SHISA9: variants seen among roughly 807,000 people sequenced by gnomAD.
The protein encoded by SHISA9 is shisa family member 9.
In SHISA9, 13 loss-of-function variants were observed where a neutral mutation model predicts 38.0. That is an observed-to-expected ratio of 0.34 (90% CI 0.22 to 0.54). The LOEUF (loss-of-function observed/expected upper bound fraction) is 0.54. Among genes scored for constraint, SHISA9 ranks in the 20% least tolerant of loss-of-function variants. The pLI is 0.91. For missense variants in SHISA9, 538 were observed against 575.8 expected (o/e 0.93, Z 0.67); for synonymous variants, 275 against 242.0 (o/e 1.14, Z -1.27).
chr16:13,322,283 C>G, the SHISA9 span, among the ~76,000 whole-genome samples: 1 of 152,206 alleles, frequency 6.6e-6, no homozygotes, highest in African/African-American at 2.4e-5. Flanking sequence ...TGAGCACAGA[C>G]TGAACTTCAA....
Position 13,004,260 on chromosome 16 carries a change from A to G in SHISA9, c.691+87445A>G, listed in dbSNP as rs896731544. Among the ~76,000 whole-genome samples the G allele has an allele frequency of 3.9e-5, 6 of 152,206 alleles. No individual in the cohort carries two copies. In the East Asian group the frequency reaches 5.8e-4, roughly 15 times the overall value. On this transcript the variant is annotated intron_variant, in intron 2 of 4. Coordinates refer to ENST00000558583, the MANE Select transcript of SHISA9 (RefSeq NM_001145204.3). ...GTCCATTTTATTGGGATCCAAAAAA[A>G]GGGACATGATGTAGTCAAGCCTCAA...
chr16:13,379,791 A>G, the SHISA9 span, among the ~76,000 whole-genome samples: 7 of 152,116 alleles, frequency 4.6e-5, no homozygotes, highest in African/African-American at 9.6e-5. Flanking sequence ...CCTTCCTTCA[A>G]TTTATGTGGT....
the SHISA9 span, among the ~76,000 whole-genome samples, chr16:13,510,533 A>G: frequency 6.6e-6 from 1 of 152,190 alleles, no homozygotes; most frequent in Admixed American, 6.5e-5. Flanking sequence ...GTAACTGCCA[A>G]ACATTTTCTT....
the SHISA9 span, among the ~76,000 whole-genome samples, chr16:13,308,932 G>A: frequency 1.3e-5 from 2 of 152,180 alleles, no homozygotes; most frequent in Admixed American, 6.5e-5. Flanking sequence ...GTACTGGATT[G>A]GACAAAGAAT....
chr16:13,476,052 C>T, the SHISA9 span, among the ~76,000 whole-genome samples: 3 of 152,166 alleles, frequency 2.0e-5, no homozygotes, highest in Non-Finnish European at 4.4e-5. Flanking sequence ...GACTACCACC[C>T]GTCTGCAGCC....
At chr16:12,927,937 C>T (rs2071414099) in intron 2 of SHISA9, among the ~76,000 whole-genome samples, 1 of 152,144 alleles carries the variant, frequency 6.6e-6, no homozygotes, top group Non-Finnish European at 1.5e-5. Context: ...AAAGTTAAAA[C>T]AATTAGAAGA....
At chr16:13,434,014 T>G in the SHISA9 span, among the ~76,000 whole-genome samples, 1 of 152,142 alleles carries the variant, frequency 6.6e-6, no homozygotes, top group South Asian at 2.1e-4. Flanking sequence ...CAAAGCTAAG[T>G]AGCAAGATAC....
the SHISA9 span, among the ~76,000 whole-genome samples, chr16:13,273,743 T>C: frequency 1.3e-5 from 2 of 151,950 alleles, no homozygotes; most frequent in East Asian, 1.9e-4. Flanking sequence ...TCAACAAGAG[T>C]AGTTTTACAA....
intron 2 of SHISA9, among the ~76,000 whole-genome samples, chr16:13,194,213 TTA>T: frequency 9.3e-6 from 1 of 107,434 alleles, no homozygotes; most frequent in East Asian, 2.5e-4. Flanking sequence ...AAGGTGGAGA[TTA>T]AAAAAAAAAA....
the SHISA9 span, among the ~76,000 whole-genome samples, chr16:13,361,763 T>C: frequency 6.6e-6 from 1 of 152,196 alleles, no homozygotes; most frequent in Non-Finnish European, 1.5e-5. Context: ...TTCTCAGAGA[T>C]TTTCTTCCCT....
intron 1 of SHISA9, among the ~76,000 whole-genome samples, chr16:12,915,995 T>TG (rs1555500161): frequency 6.7e-4 from 63 of 94,474 alleles, no homozygotes; most frequent in East Asian, 2.6e-3. Context: ...AGTTTTTTTT[T>TG]TGTGTGTGTG....
At chr16:13,307,153 GTT>G in the SHISA9 span, among the ~76,000 whole-genome samples, 1 of 152,188 alleles carries the variant, frequency 6.6e-6, no homozygotes, top group Non-Finnish European at 1.5e-5. Flanking sequence ...CCAAAGCACA[GTT>G]TCAGTATCTA....
chr16:13,030,876 G>C (rs2072982706), intron 2 of SHISA9, among the ~76,000 whole-genome samples: 2 of 152,176 alleles, frequency 1.3e-5, no homozygotes, highest in Non-Finnish European at 1.5e-5. Flanking sequence ...GCCAAAACGT[G>C]TGCGTCACTG....
chr16:13,101,951 C>G lies in SHISA9; in HGVS notation c.692-101443C>G, dbSNP rs574931325. On this transcript the variant is annotated intron_variant, in intron 2 of 4. Transcript: ENST00000558583. ...TCTCTTGATGCAAAGCATCAGGAGACTCTGGCCATGCCAGGCCTGAATTCC... is the reference window on the plus strand; with the variant it reads ...TCTCTTGATGCAAAGCATCAGGAGAGTCTGGCCATGCCAGGCCTGAATTCC... 3.9e-5 allele frequency among the ~76,000 whole-genome samples: 6 copies of G among 152,344 alleles called. No individual in the cohort carries two copies. In the South Asian group the frequency reaches 1.2e-3, roughly 32 times the overall value.
the SHISA9 span, among the ~76,000 whole-genome samples, chr16:13,543,441 G>C: frequency 6.6e-6 from 1 of 152,144 alleles, no homozygotes. Flanking sequence ...AGTTCATTAT[G>C]ATATCCATTT....
chr16:13,355,554 G>A, the SHISA9 span, among the ~76,000 whole-genome samples: 1 of 152,116 alleles, frequency 6.6e-6, no homozygotes, highest in African/African-American at 2.4e-5. Context: ...AGGGAACTGG[G>A]CAGGTGGGGA....
chr16:12,908,969 G>A, intron 1 of SHISA9: 1 of 998,560 alleles, frequency 1.0e-6, no homozygotes. Flanking sequence ...GCACCCCTTG[G>A]AAAGAAATAG....
chr16:13,319,327 C>T, the SHISA9 span, among the ~76,000 whole-genome samples: 1 of 152,098 alleles, frequency 6.6e-6, no homozygotes, highest in Non-Finnish European at 1.5e-5. Flanking sequence ...TTTATTTTTA[C>T]AAAATGATCT....
chr16:13,376,581 A>G, the SHISA9 span, among the ~76,000 whole-genome samples: 2 of 152,248 alleles, frequency 1.3e-5, no homozygotes, highest in East Asian at 1.9e-4. Context: ...GACCATGGCT[A>G]TGAGCAAACA....
Sources: gnomAD v4.1 joint callset for allele counts (sites outside exome capture counted in the v4.1 genomes callset) on GRCh38, gnomAD v4.1.1 for gene constraint, MANE v1.5 for transcripts, NCBI Gene and HGNC (gene_info 2026-07-23, HGNC 2026-07-21) for gene names.